ANO3: variants seen among roughly 807,000 people sequenced by gnomAD.
ANO3 encodes the protein anoctamin 3, also known as anoctamin-3.
ANO3 carries 99 observed loss-of-function variants against 144.8 expected under a neutral mutation model. That is an observed-to-expected ratio of 0.68 (90% CI 0.58 to 0.81). The LOEUF (loss-of-function observed/expected upper bound fraction) is 0.81. Among genes scored for constraint, ANO3 ranks in the 30% least tolerant of loss-of-function variants. The pLI is 0.00. For missense variants in ANO3, 905 were observed against 1,202.2 expected (o/e 0.75, Z 3.66); for synonymous variants, 414 against 392.6 (o/e 1.05, Z -0.64).
At chr11:26,609,283 A>G (rs1852023408) in intron 17 of ANO3, among the ~76,000 whole-genome samples, 1 of 151,898 alleles carries the variant, frequency 6.6e-6, no homozygotes, top group Non-Finnish European at 1.5e-5. Flanking sequence ...CTGATGAGAG[A>G]ACTTGGATAC....
intron 4 of ANO3, among the ~76,000 whole-genome samples, chr11:26,469,715 A>G (rs7948627): frequency 0.54 from 81,413 of 151,706 alleles, 23,119 homozygotes; most frequent in East Asian, 0.68. Flanking sequence ...CAAGCTTAAG[A>G]TGTGGTGATC....
intron 1 of ANO3, among the ~76,000 whole-genome samples, chr11:26,325,655 T>C (rs978409532): frequency 6.6e-6 from 1 of 152,210 alleles, no homozygotes. Context: ...TATCACAATG[T>C]TTGATTTCAA....
At chr11:26,359,569 T>C (rs1270570955) in intron 1 of ANO3, among the ~76,000 whole-genome samples, 1 of 150,816 alleles carries the variant, frequency 6.6e-6, no homozygotes, top group Non-Finnish European at 1.5e-5. Context: ...TATGCAGCTG[T>C]CTCCTTTCTG....
chr11:26,285,037 C>G lies in ANO3; in HGVS notation c.155-24608C>G, dbSNP rs191611450. Among the ~76,000 whole-genome samples, 767 of 152,260 alleles carry G rather than the reference C, an allele frequency of 5.0e-3. 7 individuals carry two copies. The highest frequency in any genetic ancestry group is 0.016 in the African/African-American group (678 of 41,538). ...TTTGGAACTATTTTGTTAAAACCGC[C>G]TTTACTTCAGAATTTCCACTAGGGG... On this transcript the variant is annotated intron_variant, in intron 1 of 27. Coordinates refer to the ANO3 transcript ENST00000672621.
intron 10 of ANO3, 132 bp from the exon 11 acceptor site, chr11:26,541,815 T>C (rs1306881954): frequency 5.5e-6 from 4 of 730,528 alleles, no homozygotes; most frequent in Non-Finnish European, 8.1e-6. Flanking sequence ...ATTCCAGCGA[T>C]GGGCTTAAGT....
Position 26,559,835 on chromosome 11 carries a change from T to TACAC in ANO3, c.1447+93_1447+96dup, listed in dbSNP as rs71047866. On this transcript the variant is annotated intron_variant, in intron 14 of 26. Transcript: ENST00000256737. ...TTATTTTCTGAAGCTGTTTCTGTGT[T>TACAC]ACACACACACACACACACACACACA... 7.8e-3 allele frequency: 5,160 copies of TACAC among 660,384 alleles called. 11 individuals are homozygous for TACAC. Among genetic ancestry groups the TACAC allele is most frequent in the Middle Eastern group, 7.7e-3 (17 of 2,206 alleles). The allele number at this position is 660,384 out of a possible 1,614,324, so 40.9% of individuals were successfully genotyped here. A position where few individuals can be genotyped will look rare whatever the true frequency, so the allele number is the denominator to read the frequency against.
intron 4 of ANO3, among the ~76,000 whole-genome samples, chr11:26,491,924 T>C (rs1284622299): frequency 6.6e-6 from 1 of 152,236 alleles, no homozygotes; most frequent in Non-Finnish European, 1.5e-5. Context: ...TAGCTTATGC[T>C]AAGGAAACTT....
In ANO3 at chr11:26,656,483, T is replaced by C. The variant is rs773022225; in HGVS notation, c.2763+2T>C. On this transcript the variant is annotated splice_donor_variant, in intron 26 of 26. Transcript: ENST00000256737. LOFTEE classifies it high-confidence loss of function. Reference sequence around the variant, plus strand: ...TTGGCCTTCATTATTGTGTTTGAGGTTAGTCACAAGCTGAGATGAAAATTA... The same window carrying C: ...TTGGCCTTCATTATTGTGTTTGAGGCTAGTCACAAGCTGAGATGAAAATTA... The C allele has an allele frequency of 6.4e-7, 1 of 1,566,324 alleles. No individual in the cohort carries two copies. Among genetic ancestry groups the C allele is most frequent in the Non-Finnish European group, 8.8e-7 (1 of 1,137,406 alleles).
At chr11:26,468,106 C>G (rs1859664257) in intron 4 of ANO3, among the ~76,000 whole-genome samples, 1 of 151,928 alleles carries the variant, frequency 6.6e-6, no homozygotes, top group Non-Finnish European at 1.5e-5. Context: ...CCACATCCCA[C>G]ATACCAGCTG....
chr11:26,559,835 T>TACACAC lies in ANO3; in HGVS notation c.1447+91_1447+96dup, dbSNP rs71047866. 2.5e-3 allele frequency: 1,682 copies of TACACAC among 661,662 alleles called. 4 individuals carry two copies. Among genetic ancestry groups the TACACAC allele is most frequent in the African/African-American group, 0.01 (557 of 54,232 alleles). 41.0% of individuals were successfully genotyped at this position (661,662 alleles called of 1,614,324 possible). A position where few individuals can be genotyped will look rare whatever the true frequency, so the allele number is the denominator to read the frequency against. ...TTATTTTCTGAAGCTGTTTCTGTGT[T>TACACAC]ACACACACACACACACACACACACA... On this transcript the variant is annotated intron_variant, in intron 14 of 26. Coordinates refer to ENST00000256737, the MANE Select transcript of ANO3 (RefSeq NM_031418.4).
At chr11:26,476,922 T>TGAGAGA (rs1860002760) in intron 4 of ANO3, among the ~76,000 whole-genome samples, 3 of 145,166 alleles carry the variant, frequency 2.1e-5, no homozygotes, top group African/African-American at 7.7e-5. Context: ...TGTGTGTGTG[T>TGAGAGA]GTGTGTGTGT....
At chr11:26,206,669 T>G (rs528385977) in intron 1 of ANO3, among the ~76,000 whole-genome samples, 1 of 152,270 alleles carries the variant, frequency 6.6e-6, no homozygotes, top group East Asian at 1.9e-4. Context: ...CAAAATGGTA[T>G]AGCTCAAAGT....
At chr11:26,382,664 T>C (rs989732200) in intron 1 of ANO3, among the ~76,000 whole-genome samples, 1 of 152,198 alleles carries the variant, frequency 6.6e-6, no homozygotes, top group African/African-American at 2.4e-5. Context: ...CACTTCTGTC[T>C]GTTCGCAAGC....
intron 14 of ANO3, chr11:26,566,918 G>A: frequency 1.4e-6 from 1 of 702,102 alleles, no homozygotes; most frequent in Non-Finnish European, 2.0e-6. Context: ...TTAGGTAGCA[G>A]CACTCTAAAC....
At chr11:26,191,750 A>G (rs1452801155) in intron 1 of ANO3, among the ~76,000 whole-genome samples, 1 of 152,160 alleles carries the variant, frequency 6.6e-6, no homozygotes, top group African/African-American at 2.4e-5. Context: ...TCCATTTATT[A>G]TGATGTTGTT....
chr11:26,403,770 C>A (rs2882350), intron 1 of ANO3, among the ~76,000 whole-genome samples: 96,915 of 151,726 alleles, frequency 0.64, 33,679 homozygotes, highest in Admixed American at 0.78. Context: ...TTCTGCCACT[C>A]TCCTCCTGCT....
intron 1 of ANO3, among the ~76,000 whole-genome samples, chr11:26,334,880 C>A (rs192771253): frequency 4.6e-5 from 7 of 152,146 alleles, no homozygotes; most frequent in Middle Eastern, 3.4e-3. Flanking sequence ...CTAGAAATCA[C>A]CCTTGTTATA....
At chr11:26,499,010 G>C (rs1332093721) in intron 4 of ANO3, among the ~76,000 whole-genome samples, 4 of 151,800 alleles carry the variant, frequency 2.6e-5, no homozygotes, top group Admixed American at 2.6e-4. Flanking sequence ...TTAACTGTTT[G>C]ACCACAATTT....
chr11:26,299,914 G>A (rs912500112), intron 1 of ANO3, among the ~76,000 whole-genome samples: 13 of 152,162 alleles, frequency 8.5e-5, no homozygotes, highest in African/African-American at 3.1e-4. Context: ...TCTTCTCAGT[G>A]AAATAGGAAG....
Sources: gnomAD v4.1 joint callset for allele counts (sites outside exome capture counted in the v4.1 genomes callset) on GRCh38, gnomAD v4.1.1 for gene constraint, MANE v1.5 for transcripts, NCBI Gene and HGNC (gene_info 2026-07-23, HGNC 2026-07-21) for gene names.